Variants in SMIM35 observed in about 807,000 individuals in gnomAD.
SMIM35 encodes the protein TMPRSS4 antisense RNA 1 (non-protein coding).
intron 1 of SMIM35, among the ~76,000 whole-genome samples, chr11:118,044,006 GTATGT>G (rs1161699968): frequency 1.3e-5 from 2 of 151,926 alleles, no homozygotes; most frequent in Non-Finnish European, 2.9e-5. Flanking sequence ...TGGGAGAATT[GTATGT>G]TATGTGAATT....
chr11:118,040,373 T>C (rs1175029627), intron 1 of SMIM35, among the ~76,000 whole-genome samples: 2 of 152,170 alleles, frequency 1.3e-5, no homozygotes, highest in African/African-American at 4.8e-5. Context: ...AAACAATGCA[T>C]TGGGAACTTG....
chr11:118,043,804 A>G (rs1327640289), intron 1 of SMIM35, among the ~76,000 whole-genome samples: 2 of 147,870 alleles, frequency 1.4e-5, no homozygotes, highest in South Asian at 2.1e-4. Context: ...CTCCATCTCA[A>G]AAAAAAAAAA....
Position 118,077,321 on chromosome 11 carries a change from T to C in SMIM35, c.7+9430A>G, listed in dbSNP as rs769394872. 4 of 1,596,198 alleles carry C rather than the reference T, an allele frequency of 2.5e-6. No individual in the cohort carries two copies. The East Asian group carries it at 6.8e-5, about 27-fold the overall frequency. On this transcript the variant is annotated intron_variant, in intron 1 of 4. Transcript: ENST00000689828. ...AGCCAGCATGGTGAGTGTGGGGCCC[T>C]CTGCTCCCAAGACACAGGAAGGGTG...
Position 118,027,016 on chromosome 11 carries a change from C to CTTTTTTT in SMIM35, c.8-11214_8-11208dup, listed in dbSNP as rs60864416. On this transcript the variant is annotated intron_variant, in intron 1 of 4. Transcript: ENST00000689828. The stretch of plus-strand genomic sequence containing the variant: ...ATTTTTTAAAAATCCACCACCACCA[C>CTTTTTTT]TTTTTTTTTTTTTTTTTTTTTTGAG... Among the ~76,000 whole-genome samples, 66 of 93,254 alleles carry CTTTTTTT rather than the reference C, an allele frequency of 7.1e-4. 3 individuals carry two copies. Among genetic ancestry groups the CTTTTTTT allele is most frequent in the African/African-American group, 2.4e-3 (57 of 23,730 alleles). The allele number at this position is 93,254 out of a possible 152,430, so 61.2% of individuals were successfully genotyped here.
chr11:118,056,145 G>A (rs751948214), intron 1 of SMIM35, among the ~76,000 whole-genome samples: 2 of 152,112 alleles, frequency 1.3e-5, no homozygotes, highest in Non-Finnish European at 2.9e-5. Context: ...AGGTCTTGCC[G>A]CTTCTCAAGG....
intron 1 of SMIM35, among the ~76,000 whole-genome samples, chr11:118,067,862 TATATATATATATATA>T (rs1328824675): frequency 7.9e-4 from 11 of 13,982 alleles, no homozygotes; most frequent in Non-Finnish European, 1.5e-3. Flanking sequence ...ACAACAAACA[TATATATATATATATA>T]TATATATATA....
chr11:118,023,405 CA>C, intron 1 of SMIM35, among the ~76,000 whole-genome samples: 1 of 151,968 alleles, frequency 6.6e-6, no homozygotes, highest in Non-Finnish European at 1.5e-5. Flanking sequence ...GCACAATGTG[CA>C]GATTAGTTAC....
chr11:118,050,309 A>G (rs1451217409), intron 1 of SMIM35, among the ~76,000 whole-genome samples: 1 of 152,236 alleles, frequency 6.6e-6, no homozygotes, highest in Non-Finnish European at 1.5e-5. Flanking sequence ...GTTGCCCCAC[A>G]GGCCTCCTGG....
chr11:118,041,209 A>G (rs1943994324), intron 1 of SMIM35, among the ~76,000 whole-genome samples: 1 of 152,180 alleles, frequency 6.6e-6, no homozygotes. Flanking sequence ...AAACTCAACA[A>G]TAATAAGTGA....
chr11:118,072,090 A>G (rs140163107), intron 1 of SMIM35, among the ~76,000 whole-genome samples: 352 of 152,318 alleles, frequency 2.3e-3, no homozygotes, highest in African/African-American at 8.2e-3. Flanking sequence ...TGATATCATC[A>G]TAGAAAATAC....
At chr11:118,044,987 AC>A (rs1222569660) in intron 1 of SMIM35, among the ~76,000 whole-genome samples, 1 of 152,160 alleles carries the variant, frequency 6.6e-6, no homozygotes, top group African/African-American at 2.4e-5. Context: ...AACACATCAA[AC>A]AAAATCAGAA....
chr11:118,070,096 T>C (rs929058034), intron 1 of SMIM35, among the ~76,000 whole-genome samples: 8 of 152,204 alleles, frequency 5.3e-5, no homozygotes, highest in Non-Finnish European at 1.0e-4. Context: ...TCCAAGTATA[T>C]GTTGTTCATT....
At position 118,004,884 on chromosome 11, in the gene SMIM35, T is replaced by C. The variant is rs2058113729; in HGVS notation, c.*1526A>G. ...GCAGCTGAGGGCTCCCTTTAGTAAGTTGTCTAATCTGTAGAGCTGAGAGGC... is the reference window on the plus strand; with the variant it reads ...GCAGCTGAGGGCTCCCTTTAGTAAGCTGTCTAATCTGTAGAGCTGAGAGGC... On this transcript the variant is annotated 3_prime_UTR_variant, in exon 5 of 5. Transcript: ENST00000689828. 1 of 152,094 alleles carries C rather than the reference T, an allele frequency of 6.6e-6. No individual in the cohort carries two copies. Among genetic ancestry groups the C allele is most frequent in the Non-Finnish European group, 1.5e-5 (1 of 68,048 alleles). The allele number at this position is 152,094 out of a possible 1,614,324, so 9.4% of individuals were successfully genotyped here.
intron 1 of SMIM35, among the ~76,000 whole-genome samples, chr11:118,050,927 T>C (rs1319610351): frequency 1.3e-5 from 2 of 152,196 alleles, no homozygotes; most frequent in Admixed American, 1.3e-4. Flanking sequence ...ATCCCCACCC[T>C]ATCTGCAGAA....
intron 4 of SMIM35, among the ~76,000 whole-genome samples, chr11:118,009,651 T>C (rs2058140571): frequency 6.6e-6 from 1 of 151,894 alleles, no homozygotes; most frequent in South Asian, 2.1e-4. Flanking sequence ...ACTTTGTACT[T>C]GCATCTTTTA....
intron 1 of SMIM35, among the ~76,000 whole-genome samples, chr11:118,017,563 A>G (rs1287490175): frequency 6.6e-6 from 1 of 152,224 alleles, no homozygotes; most frequent in Non-Finnish European, 1.5e-5. Context: ...ATTAAGCAGA[A>G]AGAAAGCATT....
At chr11:118,043,123 A>G (rs1944033199) in intron 1 of SMIM35, among the ~76,000 whole-genome samples, 1 of 152,234 alleles carries the variant, frequency 6.6e-6, no homozygotes, top group Admixed American at 6.5e-5. Flanking sequence ...TCTGTTCAAC[A>G]TTGTACTGGA....
At chr11:118,044,575 G>A (rs1944062455) in intron 1 of SMIM35, among the ~76,000 whole-genome samples, 1 of 151,872 alleles carries the variant, frequency 6.6e-6, no homozygotes, top group South Asian at 2.1e-4. Context: ...CTGAGGGTGG[G>A]CAGATCACTT....
intron 1 of SMIM35, among the ~76,000 whole-genome samples, chr11:118,074,736 G>T (rs1469541442): frequency 1.4e-5 from 2 of 139,464 alleles, no homozygotes; most frequent in East Asian, 4.0e-4. Flanking sequence ...AACAGAGGGG[G>T]ACCCTGTCTC....
Sources: allele counts gnomAD v4.1 joint callset (sites outside exome capture counted in the v4.1 genomes callset), GRCh38; gene constraint gnomAD v4.1.1; transcripts MANE v1.5; gene names NCBI Gene and HGNC (gene_info 2026-07-23, HGNC 2026-07-21).